Variants in ZC4H2 observed in about 807,000 individuals in gnomAD.
ZC4H2 encodes the protein zinc finger C4H2-type containing, also known as zinc finger C4H2 domain-containing protein.
For missense variants in ZC4H2, 137 were observed against 173.9 expected (o/e 0.79, Z 1.19); for synonymous variants, 84 against 66.3 (o/e 1.27, Z -1.30).
At chrX:64,971,316 A>G (rs1247049755) in intron 1 of ZC4H2, among the ~76,000 whole-genome samples, 1 of 112,275 alleles carries the variant, frequency 8.9e-6, no homozygotes, top group Non-Finnish European at 1.9e-5. Flanking sequence ...CAGGGAAGTA[A>G]TTCTTCAGAT....
At chrX:65,020,120 A>G (rs1267822786) in intron 1 of ZC4H2, among the ~76,000 whole-genome samples, 1 of 112,225 alleles carries the variant, frequency 8.9e-6, no homozygotes, top group East Asian at 2.8e-4. Context: ...TCTGCAGGAT[A>G]TTATCCAGGA....
chrX:64,982,714 T>A (rs765464859), intron 1 of ZC4H2, among the ~76,000 whole-genome samples: 7 of 112,233 alleles, frequency 6.2e-5, no homozygotes, highest in African/African-American at 2.3e-4. Flanking sequence ...AATGGCTTCA[T>A]TTATAGTAGA....
intron 1 of ZC4H2, among the ~76,000 whole-genome samples, chrX:64,957,452 CAT>C (rs1473818072): frequency 8.9e-6 from 1 of 112,413 alleles, no homozygotes; most frequent in African/African-American, 3.2e-5. Flanking sequence ...GACACAAAAA[CAT>C]ACTGTACAGC....
intron 1 of ZC4H2, among the ~76,000 whole-genome samples, chrX:65,025,174 G>A (rs1404336951): frequency 2.4e-5 from 2 of 84,583 alleles, no homozygotes; most frequent in Admixed American, 1.5e-4. Flanking sequence ...TTTGAGTCAC[G>A]GTCTCGCTCT....
intron 1 of ZC4H2, among the ~76,000 whole-genome samples, chrX:64,927,765 C>T (rs758519167): frequency 8.9e-6 from 1 of 112,376 alleles, no homozygotes; most frequent in Admixed American, 9.4e-5. Flanking sequence ...AAACACATTC[C>T]TATTTCTCCA....
At chrX:65,025,768 C>G (rs1447316305) in intron 1 of ZC4H2, among the ~76,000 whole-genome samples, 1 of 112,134 alleles carries the variant, frequency 8.9e-6, no homozygotes, top group Admixed American at 9.5e-5. Flanking sequence ...AATCTCTTCC[C>G]CTCTAAATAC....
intron 1 of ZC4H2, among the ~76,000 whole-genome samples, chrX:64,925,943 A>T (rs1043700824): frequency 4.5e-5 from 5 of 112,213 alleles, no homozygotes; most frequent in Non-Finnish European, 5.6e-5. Flanking sequence ...TGTGGCAAGA[A>T]ATACCAAGGA....
chrX:64,987,372 G>T (rs1671036411), intron 1 of ZC4H2, among the ~76,000 whole-genome samples: 1 of 110,671 alleles, frequency 9.0e-6, no homozygotes, highest in African/African-American at 3.3e-5. Flanking sequence ...TCAAGGCTGT[G>T]TAGTATTGGT....
At chrX:64,933,559 A>G (rs1929852082) in intron 1 of ZC4H2, among the ~76,000 whole-genome samples, 2 of 110,693 alleles carry the variant, frequency 1.8e-5, no homozygotes, top group Admixed American at 1.9e-4. Context: ...CTTAAGGATC[A>G]TACGCCAATG....
At chrX:65,009,210 A>G (rs1932718366) in intron 1 of ZC4H2, among the ~76,000 whole-genome samples, 1 of 111,737 alleles carries the variant, frequency 8.9e-6, no homozygotes, top group South Asian at 3.8e-4. Flanking sequence ...GCAGACTCCC[A>G]CAAGCTCTTT....
chrX:64,944,265 C>T lies in ZC4H2; in HGVS notation c.54-22277G>A, dbSNP rs746846524. Among the ~76,000 whole-genome samples, 19 of 108,188 alleles carry T rather than the reference C, an allele frequency of 1.8e-4. No individual in the cohort carries two copies. In the East Asian group the frequency reaches 4.9e-3, roughly 28 times the overall value. 93.9% of individuals were successfully genotyped at this position (108,188 alleles called of 115,157 possible). A position where few individuals can be genotyped will look rare whatever the true frequency, so the allele number is the denominator to read the frequency against. Reference sequence around the variant, plus strand: ...ATGCCATTCTCCTGCCTCAGCCTCCCGAGTAGCTGGGACTACAGGTGCCTG... The same window carrying T: ...ATGCCATTCTCCTGCCTCAGCCTCCTGAGTAGCTGGGACTACAGGTGCCTG... On this transcript the variant is annotated intron_variant, in intron 1 of 4. Transcript: ENST00000374839.
intron 1 of ZC4H2, among the ~76,000 whole-genome samples, chrX:64,923,964 G>T (rs1471976789): frequency 8.9e-6 from 1 of 111,846 alleles, no homozygotes; most frequent in Non-Finnish European, 1.9e-5. Context: ...GCAGAGGGAA[G>T]ATACTGATTT....
intron 1 of ZC4H2, among the ~76,000 whole-genome samples, chrX:64,953,996 T>C (rs1931007474): frequency 9.1e-6 from 1 of 109,650 alleles, no homozygotes; most frequent in Non-Finnish European, 1.9e-5. Flanking sequence ...CCATAAAAAA[T>C]GATGAGTTCA....
intron 1 of ZC4H2, among the ~76,000 whole-genome samples, chrX:64,934,269 T>G (rs1396061624): frequency 8.9e-6 from 1 of 112,467 alleles, no homozygotes; most frequent in African/African-American, 3.2e-5. Flanking sequence ...ATTTTTAACA[T>G]TTTTACTCCA....
At chrX:64,959,193 G>A (rs776565722) in intron 1 of ZC4H2, among the ~76,000 whole-genome samples, 11 of 108,789 alleles carry the variant, frequency 1.0e-4, no homozygotes, top group East Asian at 8.7e-4. Flanking sequence ...AGATGAGGGC[G>A]AAACCCTGTA....
intron 1 of ZC4H2, among the ~76,000 whole-genome samples, chrX:64,975,034 C>A (rs1602432123): frequency 9.4e-6 from 1 of 106,190 alleles, no homozygotes; most frequent in East Asian, 3.0e-4. Flanking sequence ...CCAGACTTTA[C>A]CTGGGACATA....
intron 1 of ZC4H2, among the ~76,000 whole-genome samples, chrX:64,947,378 C>T (rs6653207): frequency 0.082 from 9,172 of 111,288 alleles, 1,023 homozygotes; most frequent in African/African-American, 0.29. Flanking sequence ...GTTCTATATC[C>T]TTGATGATTT....
intron 1 of ZC4H2, among the ~76,000 whole-genome samples, chrX:64,966,172 T>C (rs949924154): frequency 4.5e-5 from 5 of 111,584 alleles, no homozygotes; most frequent in Non-Finnish European, 9.4e-5. Flanking sequence ...AGAGGATATA[T>C]GGGTGGCAAA....
chrX:64,922,730 T>C (rs1929261581), intron 1 of ZC4H2, among the ~76,000 whole-genome samples: 1 of 112,194 alleles, frequency 8.9e-6, no homozygotes, highest in Non-Finnish European at 1.9e-5. Context: ...GTGATGGAAA[T>C]GTTTTGTATC....
Sources: gnomAD v4.1 joint callset for allele counts (sites outside exome capture counted in the v4.1 genomes callset) on GRCh38, gnomAD v4.1.1 for gene constraint, MANE v1.5 for transcripts, NCBI Gene and HGNC (gene_info 2026-07-23, HGNC 2026-07-21) for gene names.